The following EHF variants were observed in gnomAD, a reference collection of about 807,000 sequenced individuals.
The protein encoded by EHF is ESE3 transcription factor.
A neutral mutation model predicts 45.1 loss-of-function variants in EHF; 14 were observed. The observed-to-expected ratio is 0.31, with a 90% CI of 0.21 to 0.49. The LOEUF (loss-of-function observed/expected upper bound fraction) is 0.49, where lower values mean the gene tolerates loss of function less well. Ranked by LOEUF, EHF falls within the 20% of genes least tolerant of loss-of-function variation. The pLI is 0.99. For missense variants in EHF, 282 were observed against 371.4 expected (o/e 0.76, Z 1.98); for synonymous variants, 136 against 131.8 (o/e 1.03, Z -0.22).
chr11:34,652,625 A>G (rs1004699082), intron 6 of EHF, among the ~76,000 whole-genome samples: 1 of 152,238 alleles, frequency 6.6e-6, no homozygotes, highest in East Asian at 1.9e-4. Context: ...GCACTTAGAC[A>G]TCAGTCACAA....
chr11:34,654,244 T>A (rs1207241596), intron 6 of EHF, among the ~76,000 whole-genome samples: 1 of 152,172 alleles, frequency 6.6e-6, no homozygotes, highest in Non-Finnish European at 1.5e-5. Context: ...TGGCCTGGAG[T>A]GCCTGGGAGC....
At chr11:34,642,518 G>A (rs556415497) in intron 1 of EHF, 110 bp from the exon 2 acceptor site, 5 of 702,424 alleles carry the variant, frequency 7.1e-6, no homozygotes, top group African/African-American at 5.2e-5. Context: ...GCAATGGGTG[G>A]AAGGACAAAT....
Position 34,659,160 on chromosome 11 carries a change from G to A in EHF, c.*229G>A. 3 of 415,956 alleles carry A rather than the reference G, an allele frequency of 7.2e-6. No individual in the cohort carries two copies. The South Asian group carries it at 1.3e-4, about 19-fold the overall frequency. The allele number at this position is 415,956 out of a possible 1,614,324, so 25.8% of individuals were successfully genotyped here. A position where few individuals can be genotyped will look rare whatever the true frequency, so the allele number is the denominator to read the frequency against. On this transcript the variant is annotated 3_prime_UTR_variant, in exon 9 of 9. Coordinates refer to ENST00000257831, the MANE Select transcript of EHF (RefSeq NM_012153.6). ...GGAAAAAACGTACACAGTTTTCTGT[G>A]AAATATGATGCTGTATGTGGTTGTG...
chr11:34,630,682 A>ATTTG (rs386373562), intron 1 of EHF, among the ~76,000 whole-genome samples: 1 of 23,848 alleles, frequency 4.2e-5, no homozygotes, highest in African/African-American at 1.0e-4. Context: ...AGTTGGTCTT[A>ATTTG]TTTATCAGTC....
At chr11:34,640,185 G>A (rs1853849904) in intron 1 of EHF, among the ~76,000 whole-genome samples, 2 of 152,264 alleles carry the variant, frequency 1.3e-5, no homozygotes, top group East Asian at 1.9e-4. Flanking sequence ...GTCACCCACA[G>A]TAAGCAGGGG....
intron 8 of EHF, 21 bp from the exon 9 acceptor site, chr11:34,658,811 A>G: frequency 3.7e-6 from 6 of 1,609,888 alleles, no homozygotes; most frequent in South Asian, 1.1e-5. Flanking sequence ...CAGTCACCTT[A>G]TGCAATCTCC....
chr11:34,635,416 C>T (rs1328964410), intron 1 of EHF, among the ~76,000 whole-genome samples: 1 of 150,390 alleles, frequency 6.6e-6, no homozygotes, highest in East Asian at 1.9e-4. Flanking sequence ...CTTTTCTGTC[C>T]CTATTAGCCC....
chr11:34,657,425 T>C (rs1332450656), intron 7 of EHF, among the ~76,000 whole-genome samples: 1 of 152,098 alleles, frequency 6.6e-6, no homozygotes, highest in Non-Finnish European at 1.5e-5. Flanking sequence ...TCTTTGGGAG[T>C]TGGGTCTCCT....
At chr11:34,622,374 C>A (rs1326533064) in intron 1 of EHF, 2 of 1,277,842 alleles carry the variant, frequency 1.6e-6, no homozygotes, top group Non-Finnish European at 2.0e-6. Flanking sequence ...CAAGAACTTA[C>A]TGATGGAAGT....
At chr11:34,652,815 C>T (rs1222332442) in intron 6 of EHF, among the ~76,000 whole-genome samples, 1 of 152,072 alleles carries the variant, frequency 6.6e-6, no homozygotes, top group African/African-American at 2.4e-5. Context: ...TGGGTCAAGC[C>T]CCTTAAATGA....
chr11:34,632,467 C>T, intron 1 of EHF: 1 of 1,508,960 alleles, frequency 6.6e-7, no homozygotes, highest in Non-Finnish European at 8.8e-7. Context: ...TCCAGACAAC[C>T]CACTGCTTTA....
chr11:34,656,601 CA>C (rs1341417081), intron 6 of EHF, among the ~76,000 whole-genome samples: 2 of 152,172 alleles, frequency 1.3e-5, no homozygotes, highest in Non-Finnish European at 2.9e-5. Context: ...GGCTGTTGCA[CA>C]AGCTCTCTGC....
intron 3 of EHF, chr11:34,646,896 T>G (rs1250270371): frequency 5.0e-6 from 3 of 594,188 alleles, no homozygotes; most frequent in Non-Finnish European, 8.6e-6. Context: ...TAAATGCCAG[T>G]GTAATTTAAT....
Position 34,646,653 on chromosome 11 carries a change from C to A in EHF, c.312C>A (p.Leu104=). The change falls in exon 3 of 9, where the codon CTC becomes CTA. Residue 104 remains leucine (L), a synonymous_variant. Coordinates refer to ENST00000257831, the MANE Select transcript of EHF (RefSeq NM_012153.6). ...TRAAGTAGQL[L]YSNLQHLKWN... The stretch of plus-strand genomic sequence containing the variant: ...CGGCAGGGACGGCGGGGCAGCTCCT[C>A]TACAGCAACTTGCAGCATCTGAAGT... The A allele has an allele frequency of 6.2e-7, 1 of 1,612,708 alleles. No homozygotes were observed. The highest frequency in any genetic ancestry group is 8.5e-7 in the Non-Finnish European group (1 of 1,179,966).
At position 34,658,694 on chromosome 11, in the gene EHF, A is replaced by T. The variant is rs1280158851; in HGVS notation, c.769A>T (p.Ser257Cys). The T allele has an allele frequency of 1.9e-6, 3 of 1,613,618 alleles. No homozygotes were observed. Residue 257 changes from serine (S) to cysteine (C), a missense_variant, in exon 8 of 9, where the codon AGC becomes TGC. Transcript: ENST00000257831. ...ATGGGGTAAAAAGAAGAACAACAGC[A>T]GCATGACCTATGAAAAGCTCAGCCG... ...QLWGKKKNNSSMTYEKLSRAM... is the reference protein window; with the variant it reads ...QLWGKKKNNSCMTYEKLSRAM...
intron 4 of EHF, among the ~76,000 whole-genome samples, chr11:34,650,479 G>A (rs1219315570): frequency 2.0e-5 from 3 of 152,150 alleles, no homozygotes; most frequent in East Asian, 1.9e-4. Context: ...TCGTAAACAC[G>A]AGGACTTAGC....
In EHF at chr11:34,651,605, C is replaced by T. The variant is rs1247764425; in HGVS notation, c.470C>T (p.Thr157Ile). ...NYLYDTNYGS[T>I]VDLLDSKTFC... is the part of the protein sequence containing the mutation. ...TTATATGACACCAACTATGGTAGCACAGTAGGTAACTAACTCCCTGACACT... is the reference window on the plus strand; with the variant it reads ...TTATATGACACCAACTATGGTAGCATAGTAGGTAACTAACTCCCTGACACT... The change falls in exon 5 of 9, where the codon ACA becomes ATA. Residue 157 changes from threonine (T) to isoleucine (I), a missense_variant. Transcript: ENST00000257831. 2 of 1,612,978 alleles carry T rather than the reference C, an allele frequency of 1.2e-6. No homozygotes were observed. The highest frequency in any genetic ancestry group is 2.7e-5 in the African/African-American group (2 of 74,894).
chr11:34,651,573 G>T lies in EHF; in HGVS notation c.438G>T (p.Glu146Asp). Residue 146 changes from glutamate to aspartate, a missense_variant, in exon 5 of 9, where the codon GAG (glutamate) becomes GAT (aspartate). Coordinates refer to ENST00000257831, the MANE Select transcript of EHF (RefSeq NM_012153.6). ...CCATCATGAACACCTGGAAAGACGA[G>T]AACTATTTATATGACACCAACTATG... ...EPSIMNTWKD[E>D]NYLYDTNYGS... 6.2e-7 allele frequency: 1 copy of T among 1,613,924 alleles called. No homozygotes were observed. Among genetic ancestry groups the T allele is most frequent in the Non-Finnish European group, 8.5e-7 (1 of 1,179,908 alleles).
rs544090568 is a variant in EHF, at chr11:34,658,011, A to G, written c.608-522A>G. On this transcript the variant is annotated intron_variant, in intron 7 of 8. Coordinates refer to ENST00000257831, the MANE Select transcript of EHF (RefSeq NM_012153.6). ...AATTGGGTCCTCCAGTCCCTGCGTG[A>G]CCACCCCTTTCCCTACCACCCTCAT... Among the ~76,000 whole-genome samples, 354 of 151,952 alleles carry G rather than the reference A, an allele frequency of 2.3e-3. 7 individuals are homozygous for G. The highest frequency in any genetic ancestry group is 7.8e-4 in the Non-Finnish European group (53 of 67,960).
Sources: allele counts gnomAD v4.1 joint callset (sites outside exome capture counted in the v4.1 genomes callset), GRCh38; gene constraint gnomAD v4.1.1; transcripts MANE v1.5; gene names NCBI Gene and HGNC (gene_info 2026-07-23, HGNC 2026-07-21).